Variants in TNN observed in about 807,000 individuals in gnomAD.
The protein encoded by TNN is tenascin-N.
Under a neutral mutation model 134.4 loss-of-function variants are expected in TNN, and 122 were observed. The ratio of observed to expected loss-of-function variants is 0.91; its 90% CI spans 0.78 to 1.06. The LOEUF (loss-of-function observed/expected upper bound fraction) is 1.06, where lower values mean the gene tolerates loss of function less well. TNN is among the 50% of genes least tolerant of loss of function. The pLI, the probability that TNN is intolerant of heterozygous loss-of-function variation, is 0.00. For missense variants in TNN, 1,739 were observed against 1,699.4 expected (o/e 1.02, Z -0.41); for synonymous variants, 710 against 670.3 (o/e 1.06, Z -0.91).
At position 175,123,644 on chromosome 1, in the gene TNN, T is replaced by C. The variant is rs1675438121; in HGVS notation, c.2895T>C (p.Ala965=). ...AQKGAQESKK[A]DTKAQTELDP... ...AGGGGGCCCAGGAGAGCAAGAAGGC[T>C]GACACCAAGGCCCAGACAGGTACTG... The change falls in exon 12 of 19, where the codon GCT becomes GCC. Residue 965 remains alanine, a synonymous_variant. Coordinates refer to ENST00000239462, the MANE Select transcript of TNN (RefSeq NM_022093.2). 4 of 1,614,170 alleles carry C rather than the reference T, an allele frequency of 2.5e-6. No homozygotes were observed. Among genetic ancestry groups the C allele is most frequent in the African/African-American group, 1.3e-5 (1 of 75,042 alleles).
intron 9 of TNN, among the ~76,000 whole-genome samples, chr1:175,109,279 G>A (rs1479291223): frequency 1.5e-4 from 22 of 148,070 alleles, no homozygotes; most frequent in Admixed American, 6.7e-4. Context: ...TAGTAGAGAC[G>A]GGGTTTCACC....
At chr1:175,100,002 TG>T (rs1674679407) in intron 9 of TNN, among the ~76,000 whole-genome samples, 1 of 152,218 alleles carries the variant, frequency 6.6e-6, no homozygotes, top group Non-Finnish European at 1.5e-5. Flanking sequence ...GGCCCAAGTC[TG>T]GTCCATGGAG....
chr1:175,124,665 A>G (rs1477849664), intron 12 of TNN, among the ~76,000 whole-genome samples: 1 of 147,656 alleles, frequency 6.8e-6, no homozygotes, highest in African/African-American at 2.5e-5. Flanking sequence ...TGGGCAACAA[A>G]GAGCGAGACT....
intron 15 of TNN, 35 bp downstream of exon 15, chr1:175,128,781 G>T (rs1199839930): frequency 6.3e-7 from 1 of 1,576,304 alleles, no homozygotes; most frequent in African/African-American, 1.4e-5. Flanking sequence ...GCTCTGTGTA[G>T]GGCCTTCCTT....
chr1:175,070,870 G>A (rs1410984519), intron 1 of TNN, among the ~76,000 whole-genome samples: 1 of 152,172 alleles, frequency 6.6e-6, no homozygotes, highest in African/African-American at 2.4e-5. Flanking sequence ...GGTTACTTGG[G>A]AAGTACAGGG....
intron 17 of TNN, among the ~76,000 whole-genome samples, chr1:175,143,071 A>G (rs773322478): frequency 6.6e-6 from 1 of 152,172 alleles, no homozygotes; most frequent in South Asian, 2.1e-4. Context: ...CTCAGAAAGA[A>G]CCCTGGACTT....
chr1:175,111,348 A>G (rs1009463997), intron 9 of TNN, among the ~76,000 whole-genome samples: 2 of 148,958 alleles, frequency 1.3e-5, no homozygotes, highest in African/African-American at 4.9e-5. Context: ...TTAGCTGGGC[A>G]TGATGGTGCA....
chr1:175,098,178 T>C (rs764781238), intron 8 of TNN, among the ~76,000 whole-genome samples, 154 bp from the exon 9 acceptor site: 1 of 152,200 alleles, frequency 6.6e-6, no homozygotes, highest in Non-Finnish European at 1.5e-5. Flanking sequence ...AACCAAGGGC[T>C]ACTTTCTCCT....
intron 12 of TNN, among the ~76,000 whole-genome samples, chr1:175,125,847 CTTTCTTTCTTTTTTCTT>C (rs1675514771): frequency 9.1e-6 from 1 of 110,258 alleles, no homozygotes; most frequent in Non-Finnish European, 1.9e-5. Flanking sequence ...TTTTCTTTTT[CTTTCTTTCTTTTTTCTT>C]TTTCTTTCTT....
At chr1:175,117,290 G>A (rs1675210788) in intron 10 of TNN, 85 bp downstream of exon 10, 2 of 1,586,224 alleles carry the variant, frequency 1.3e-6, no homozygotes, top group Non-Finnish European at 1.7e-6. Flanking sequence ...TCTGACATTG[G>A]CAGAAGTCAA....
rs376043831 is a variant in TNN at position 175,098,352 on chromosome 1, C to T, written c.1876C>T (p.Leu626=). 1.2e-6 allele frequency: 2 copies of T among 1,614,098 alleles called. No homozygotes were observed. Among genetic ancestry groups the T allele is most frequent in the African/African-American group, 1.3e-5 (1 of 74,934 alleles). The change falls in exon 9 of 19, where the codon CTG becomes TTG. Residue 626 remains leucine, a synonymous_variant. Transcript: ENST00000239462. ...TCCAGATATTGACAGCCCCAAAAACCTGGTGACTGACCGGGTGACAGAGAA... is the reference window on the plus strand; with the variant it reads ...TCCAGATATTGACAGCCCCAAAAACTTGGTGACTGACCGGGTGACAGAGAA... ...APTDIDSPKN[L]VTDRVTENMA...
chr1:175,091,205 A>C (rs563404506), intron 6 of TNN, among the ~76,000 whole-genome samples: 2 of 152,176 alleles, frequency 1.3e-5, no homozygotes, highest in African/African-American at 2.4e-5. Flanking sequence ...GGTCAAGGAG[A>C]GCAAGCTCTG....
chr1:175,103,770 T>C (rs1384723183), intron 9 of TNN, among the ~76,000 whole-genome samples: 1 of 145,056 alleles, frequency 6.9e-6, no homozygotes, highest in Non-Finnish European at 1.5e-5. Flanking sequence ...ACTTTCTCTT[T>C]CTCTCTTTTC....
intron 15 of TNN, among the ~76,000 whole-genome samples, chr1:175,134,481 G>A (rs558293859): frequency 3.8e-4 from 58 of 151,360 alleles, no homozygotes; most frequent in Admixed American, 1.8e-3. Context: ...GGAGGCGGAG[G>A]TTGCAGTAAG....
At chr1:175,119,029 C>T (rs960643788) in intron 11 of TNN, among the ~76,000 whole-genome samples, 9 of 152,162 alleles carry the variant, frequency 5.9e-5, no homozygotes, top group African/African-American at 7.2e-5. Flanking sequence ...GAAAGAACAA[C>T]GTGTTATAGG....
intron 7 of TNN, among the ~76,000 whole-genome samples, chr1:175,094,881 A>G (rs559024481): frequency 1.0e-3 from 155 of 152,316 alleles, no homozygotes; most frequent in Non-Finnish European, 1.6e-3. Flanking sequence ...ATGAGGTTCC[A>G]AAACACCTGG....
At chr1:175,089,028 T>C (rs1016188878) in intron 6 of TNN, among the ~76,000 whole-genome samples, 2 of 152,178 alleles carry the variant, frequency 1.3e-5, no homozygotes, top group Admixed American at 6.5e-5. Context: ...GTCAATTATA[T>C]CCTAAAACCA....
intron 16 of TNN, 118 bp from the exon 17 acceptor site, chr1:175,136,703 A>G: frequency 1.1e-6 from 1 of 913,276 alleles, no homozygotes; most frequent in South Asian, 1.7e-5. Context: ...GCCCCTTATT[A>G]GCAGAGAAGG....
intron 10 of TNN, 69 bp from the exon 11 acceptor site, chr1:175,118,492 A>T: frequency 1.9e-6 from 3 of 1,582,220 alleles, no homozygotes; most frequent in Non-Finnish European, 2.6e-6. Context: ...ACCCCACGCA[A>T]AATGACCACC....
Sources: allele counts gnomAD v4.1 joint callset (sites outside exome capture counted in the v4.1 genomes callset), GRCh38; gene constraint gnomAD v4.1.1; transcripts MANE v1.5; gene names NCBI Gene and HGNC (gene_info 2026-07-23, HGNC 2026-07-21).